LCOR: variants seen among roughly 807,000 people sequenced by gnomAD.
LCOR encodes the protein ligand dependent nuclear receptor corepressor, also known as ligand-dependent corepressor.
Under a neutral mutation model 64.4 loss-of-function variants are expected in LCOR, and 14 were observed. That is an observed-to-expected ratio of 0.22 (90% CI 0.14 to 0.34). LCOR has a LOEUF of 0.34. LCOR is among the 10% of genes least tolerant of loss of function. The probability of loss-of-function intolerance (pLI) is 1.00; values close to 1 mark genes in which losing one functional copy is unlikely to be tolerated. For missense variants in LCOR, 1,686 were observed against 1,765.3 expected (o/e 0.96, Z 0.80); for synonymous variants, 643 against 642.5 (o/e 1.00, Z -0.01).
At position 96,900,399 on chromosome 10, in the gene LCOR, G is replaced by A. The variant is rs374313007; in HGVS notation, c.-329-6866G>A. ...GAAAATAAGTAAATGAATCTCTTAC[G>A]AGTTAGACAAAAATGCAATAGAATA... On this transcript the variant is annotated intron_variant, in intron 2 of 7. Coordinates refer to ENST00000421806, the MANE Select transcript of LCOR (RefSeq NM_001346516.2). Among the ~76,000 whole-genome samples the A allele has an allele frequency of 3.3e-5, 5 of 151,232 alleles. No homozygotes were observed. The East Asian group carries it at 5.8e-4, about 18-fold the overall frequency.
chr10:96,847,108 T>C (rs1214065765), intron 2 of LCOR, among the ~76,000 whole-genome samples: 1 of 151,922 alleles, frequency 6.6e-6, no homozygotes, highest in Non-Finnish European at 1.5e-5. Context: ...TCACATGCGG[T>C]ATTGCGAGCC....
In LCOR at chr10:96,992,558, G is replaced by A. The variant is rs1848209831; in HGVS notation, c.*7424G>A. 1 of 152,278 alleles carries A rather than the reference G, an allele frequency of 6.6e-6. No homozygotes were observed. The highest frequency in any genetic ancestry group is 2.1e-4 in the South Asian group (1 of 4,832). The allele number at this position is 152,278 out of a possible 1,614,324, so 9.4% of individuals were successfully genotyped here. A position where few individuals can be genotyped will look rare whatever the true frequency, so the allele number is the denominator to read the frequency against. Reference sequence around the variant, plus strand: ...GGAATCCCATCATGGGTATGGCTGTGCCAGGCATGGCATCGGGTGTGCCCC... The same window carrying A: ...GGAATCCCATCATGGGTATGGCTGTACCAGGCATGGCATCGGGTGTGCCCC... On this transcript the variant is annotated 3_prime_UTR_variant, in exon 8 of 8. Coordinates refer to ENST00000421806, the MANE Select transcript of LCOR (RefSeq NM_001346516.2).
chr10:96,866,963 T>C (rs1485264750), intron 2 of LCOR, among the ~76,000 whole-genome samples: 5 of 152,068 alleles, frequency 3.3e-5, no homozygotes, highest in African/African-American at 9.7e-5. Context: ...TTTTGCCAGA[T>C]TTTTCGTATT....
chr10:96,891,225 G>A (rs949550398), intron 2 of LCOR, among the ~76,000 whole-genome samples: 2 of 151,830 alleles, frequency 1.3e-5, no homozygotes, highest in African/African-American at 2.4e-5. Context: ...CAGTTTTTTA[G>A]TTGAGTCAGT....
At chr10:96,976,741 T>TG (rs1848043475) in intron 7 of LCOR, among the ~76,000 whole-genome samples, 6 of 152,212 alleles carry the variant, frequency 3.9e-5, no homozygotes, top group Admixed American at 3.9e-4. Context: ...AAGTGCTTCT[T>TG]CAGCTTTCTT....
intron 2 of LCOR, among the ~76,000 whole-genome samples, chr10:96,902,649 C>A (rs1177483239): frequency 6.6e-6 from 1 of 152,146 alleles, no homozygotes; most frequent in Non-Finnish European, 1.5e-5. Context: ...CCAATACTTT[C>A]ACTTTGTGAC....
At chr10:96,951,250 A>G (rs893556594) in intron 6 of LCOR, among the ~76,000 whole-genome samples, 5 of 152,174 alleles carry the variant, frequency 3.3e-5, no homozygotes, top group African/African-American at 9.6e-5. Context: ...GAGGGAAAAG[A>G]AAGTCTTCTA....
At chr10:96,956,668 A>G in intron 7 of LCOR, 2 of 985,832 alleles carry the variant, frequency 2.0e-6, no homozygotes, top group Non-Finnish European at 2.4e-6. Flanking sequence ...TTCATTTGAG[A>G]TTTTCTAAGG....
At chr10:96,971,620 A>G (rs1848000224) in intron 7 of LCOR, among the ~76,000 whole-genome samples, 3 of 152,216 alleles carry the variant, frequency 2.0e-5, no homozygotes, top group Admixed American at 2.0e-4. Context: ...TTGTGTAAGC[A>G]GTGGGGAGCT....
chr10:96,866,928 T>C (rs1231270670), intron 2 of LCOR, among the ~76,000 whole-genome samples: 1 of 152,122 alleles, frequency 6.6e-6, no homozygotes, highest in Non-Finnish European at 1.5e-5. Flanking sequence ...CCACCAACAA[T>C]GTATGAGAGA....
chr10:96,885,937 G>T (rs924389460), intron 2 of LCOR, among the ~76,000 whole-genome samples: 5 of 152,102 alleles, frequency 3.3e-5, no homozygotes, highest in African/African-American at 4.8e-5. Context: ...GAGTGCAGTG[G>T]TGCAATCTCA....
chr10:96,840,355 G>C (rs1354650167), intron 2 of LCOR, among the ~76,000 whole-genome samples: 2 of 152,178 alleles, frequency 1.3e-5, no homozygotes, highest in Non-Finnish European at 2.9e-5. Flanking sequence ...GTGCAAGCCA[G>C]TGAATTTTAC....
rs557718164 is a variant in LCOR, at chr10:96,978,609, C to T, written c.333-2184C>T. ...CTATGACATTTCTAGTCTTTCAAATCCATGGTCTAATATAGGCCCTTTCAG... is the reference window on the plus strand; with the variant it reads ...CTATGACATTTCTAGTCTTTCAAATTCATGGTCTAATATAGGCCCTTTCAG... On this transcript the variant is annotated intron_variant, in intron 7 of 7. Transcript: ENST00000421806. Among the ~76,000 whole-genome samples, 9 of 152,288 alleles carry T rather than the reference C, an allele frequency of 5.9e-5. No homozygotes were observed. The East Asian group carries it at 1.5e-3, about 26-fold the overall frequency.
At chr10:96,896,674 C>T (rs1181056482) in intron 2 of LCOR, among the ~76,000 whole-genome samples, 1 of 152,008 alleles carries the variant, frequency 6.6e-6, no homozygotes, top group African/African-American at 2.4e-5. Context: ...TCCACCCGCC[C>T]TGCCCTTCCA....
intron 2 of LCOR, among the ~76,000 whole-genome samples, chr10:96,871,264 C>T (rs929252413): frequency 2.6e-5 from 4 of 151,536 alleles, no homozygotes; most frequent in African/African-American, 2.4e-5. Context: ...CCTGTGTTGC[C>T]CAGGCTAGTC....
chr10:96,856,510 A>C (rs1237233061), intron 2 of LCOR, among the ~76,000 whole-genome samples: 5 of 126,726 alleles, frequency 3.9e-5, no homozygotes, highest in Non-Finnish European at 6.3e-5. Context: ...TCTCTCTTTC[A>C]GTCCCCACTG....
At chr10:96,871,070 T>C (rs1846064519) in intron 2 of LCOR, among the ~76,000 whole-genome samples, 1 of 152,126 alleles carries the variant, frequency 6.6e-6, no homozygotes, top group African/African-American at 2.4e-5. Context: ...TGTGTGTATA[T>C]ATAAGAGACA....
intron 2 of LCOR, among the ~76,000 whole-genome samples, chr10:96,839,297 C>T (rs1358758499): frequency 6.6e-6 from 1 of 152,108 alleles, no homozygotes; most frequent in Non-Finnish European, 1.5e-5. Context: ...TTCTCATACT[C>T]CCCATTTAAG....
intron 4 of LCOR, among the ~76,000 whole-genome samples, chr10:96,920,528 GTA>G (rs1219545765): frequency 7.0e-6 from 1 of 142,044 alleles, no homozygotes; most frequent in East Asian, 2.1e-4. Context: ...AGATATATGT[GTA>G]TATATGTATG....
Sources: gnomAD v4.1 joint callset for allele counts (sites outside exome capture counted in the v4.1 genomes callset) on GRCh38, gnomAD v4.1.1 for gene constraint, MANE v1.5 for transcripts, NCBI Gene and HGNC (gene_info 2026-07-23, HGNC 2026-07-21) for gene names.